The following PRKAR1B variants were observed in gnomAD, a reference collection of about 807,000 sequenced individuals.
PRKAR1B encodes cAMP-dependent protein kinase type I-beta regulatory subunit.
PRKAR1B carries 22 observed loss-of-function variants against 46.5 expected under a neutral mutation model. That is an observed-to-expected ratio of 0.47 (90% CI 0.34 to 0.68). PRKAR1B has a LOEUF of 0.68. Among genes scored for constraint, PRKAR1B ranks in the 30% least tolerant of loss-of-function variants. The pLI is 0.01. For missense variants in PRKAR1B, 445 were observed against 535.6 expected (o/e 0.83, Z 1.67); for synonymous variants, 259 against 217.7 (o/e 1.19, Z -1.67).
At chr7:625,021 T>C (rs1783308219) in intron 4 of PRKAR1B, among the ~76,000 whole-genome samples, 1 of 152,098 alleles carries the variant, frequency 6.6e-6, no homozygotes, top group South Asian at 2.1e-4. Flanking sequence ...CCATAAAATA[T>C]CCCTGAACAA....
intron 4 of PRKAR1B, among the ~76,000 whole-genome samples, chr7:622,975 T>C (rs751670810): frequency 1.3e-5 from 2 of 152,138 alleles, no homozygotes; most frequent in African/African-American, 2.4e-5. Context: ...CTTAGGTCAA[T>C]GTTATTTAAG....
At chr7:608,431 G>A (rs1172214049) in intron 4 of PRKAR1B, 1 of 152,278 alleles carries the variant, frequency 6.6e-6, no homozygotes, top group Non-Finnish European at 1.5e-5. Context: ...CAAAGATCCA[G>A]ACAGCCCTGA....
At chr7:675,504 G>C (rs1309186056) in intron 4 of PRKAR1B, among the ~76,000 whole-genome samples, 1 of 152,176 alleles carries the variant, frequency 6.6e-6, no homozygotes, top group Non-Finnish European at 1.5e-5. Context: ...ATGTAATAAA[G>C]AATTATAATT....
intron 9 of PRKAR1B, among the ~76,000 whole-genome samples, chr7:555,007 T>G (rs1344503754): frequency 6.6e-6 from 1 of 152,132 alleles, no homozygotes; most frequent in East Asian, 1.9e-4. Context: ...CTGCCGTGGC[T>G]CCGGGAGTCA....
At chr7:673,067 A>AC (rs1786364876) in intron 4 of PRKAR1B, among the ~76,000 whole-genome samples, 1 of 142,946 alleles carries the variant, frequency 7.0e-6, no homozygotes. Flanking sequence ...AAAAAAAAAA[A>AC]AAAAAAAAAA....
chr7:662,686 T>C (rs1396147407), intron 4 of PRKAR1B, among the ~76,000 whole-genome samples: 36 of 89,082 alleles, frequency 4.0e-4, no homozygotes, highest in South Asian at 1.2e-3. Context: ...TACTCTCCCC[T>C]CAGTGGCACA....
intron 8 of PRKAR1B, among the ~76,000 whole-genome samples, chr7:582,791 C>T: frequency 6.6e-6 from 1 of 152,376 alleles, no homozygotes; most frequent in Middle Eastern, 3.4e-3. Flanking sequence ...GGCCGGACCA[C>T]CCAGGTCTGG....
At chr7:553,987 G>A (rs534986771) in intron 9 of PRKAR1B, among the ~76,000 whole-genome samples, 8 of 152,372 alleles carry the variant, frequency 5.3e-5, no homozygotes, top group African/African-American at 9.6e-5. Flanking sequence ...GCCCTCAGCC[G>A]GGTGCCCACA....
intron 4 of PRKAR1B, among the ~76,000 whole-genome samples, chr7:633,701 G>A (rs920444517): frequency 2.0e-5 from 3 of 152,184 alleles, no homozygotes; most frequent in Non-Finnish European, 2.9e-5. Context: ...ATGCTGGGAC[G>A]CAGGTTGGGC....
At chr7:589,569 G>A (rs1452801661) in intron 7 of PRKAR1B, among the ~76,000 whole-genome samples, 1 of 152,152 alleles carries the variant, frequency 6.6e-6, no homozygotes, top group East Asian at 1.9e-4. Context: ...GGAAGAAACA[G>A]AGGCTCAGGG....
intron 9 of PRKAR1B, among the ~76,000 whole-genome samples, chr7:570,627 C>T (rs1016516930): frequency 1.3e-5 from 2 of 152,190 alleles, no homozygotes; most frequent in Non-Finnish European, 2.9e-5. Context: ...TTATTCGCCA[C>T]GTGGCACGGC....
At chr7:725,320 A>G (rs1051319603) in intron 1 of PRKAR1B, among the ~76,000 whole-genome samples, 1 of 152,178 alleles carries the variant, frequency 6.6e-6, no homozygotes, top group East Asian at 1.9e-4. Context: ...AATTACACAC[A>G]TTCTGCCTTT....
chr7:594,249 T>C (rs1388060200), intron 7 of PRKAR1B, among the ~76,000 whole-genome samples: 1 of 151,982 alleles, frequency 6.6e-6, no homozygotes, highest in Non-Finnish European at 1.5e-5. Context: ...CCTCCTGCCA[T>C]AGCAACCAGG....
At chr7:604,371 C>T (rs972576939) in intron 6 of PRKAR1B, among the ~76,000 whole-genome samples, 10 of 152,210 alleles carry the variant, frequency 6.6e-5, no homozygotes, top group Non-Finnish European at 5.9e-5. Flanking sequence ...CCTCTGAGGC[C>T]GGGCAGTACC....
rs543780825 is a variant in PRKAR1B at position 643,035 on chromosome 7, C to T, written c.440+34194G>A. On this transcript the variant is annotated intron_variant, in intron 4 of 10. Transcript: ENST00000537384. ...GGAGTAGTACCTGGAATTCTGTGTA[C>T]GGCAGAGCCTGGCACATAGCCGGTA... Among the ~76,000 whole-genome samples, 8 of 151,676 alleles carry T rather than the reference C, an allele frequency of 5.3e-5. No individual in the cohort carries two copies. The South Asian group carries it at 1.0e-3, about 20-fold the overall frequency.
At position 583,683 on chromosome 7, in the gene PRKAR1B, ACG is replaced by A. The variant is rs1354595789; in HGVS notation, c.769+823_769+824del. ...GCGCACACACCCACACACAACCCACACGGTGCACTCACACCCTCACACACGTG... is the reference window on the plus strand; with the variant it reads ...GCGCACACACCCACACACAACCCACAGTGCACTCACACCCTCACACACGTG... On this transcript the variant is annotated intron_variant, in intron 8 of 10. Transcript: ENST00000537384. 1.9e-3 allele frequency among the ~76,000 whole-genome samples: 224 copies of A among 117,054 alleles called. 1 individual carries two copies. The highest frequency in any genetic ancestry group is 5.3e-3 in the African/African-American group (141 of 26,460). The allele number at this position is 117,054 out of a possible 152,430, so 76.8% of individuals were successfully genotyped here. A position where few individuals can be genotyped will look rare whatever the true frequency, so the allele number is the denominator to read the frequency against.
At chr7:695,679 T>C (rs1346577699) in intron 2 of PRKAR1B, among the ~76,000 whole-genome samples, 1 of 151,462 alleles carries the variant, frequency 6.6e-6, no homozygotes, top group Non-Finnish European at 1.5e-5. Context: ...TTGTTTTTTT[T>C]TTGAGACGGA....
intron 2 of PRKAR1B, among the ~76,000 whole-genome samples, chr7:693,004 G>C (rs1010610858): frequency 1.3e-5 from 2 of 151,658 alleles, no homozygotes; most frequent in Admixed American, 6.6e-5. Flanking sequence ...GTGCGATCTC[G>C]GCTCACTGCA....
intron 4 of PRKAR1B, among the ~76,000 whole-genome samples, chr7:635,386 CAG>C (rs563715575): frequency 1.0e-3 from 156 of 152,344 alleles, no homozygotes; most frequent in African/African-American, 3.3e-3. Context: ...GCTCTGAAAA[CAG>C]GGGTCAGAGC....
Sources: allele counts gnomAD v4.1 joint callset (sites outside exome capture counted in the v4.1 genomes callset), GRCh38; gene constraint gnomAD v4.1.1; transcripts MANE v1.5; gene names NCBI Gene and HGNC (gene_info 2026-07-23, HGNC 2026-07-21).